NIM1K: variants seen among roughly 807,000 people sequenced by gnomAD.
NIM1K encodes NIM1 serine/threonine protein kinase, also known as serine/threonine-protein kinase NIM1.
Under a neutral mutation model 37.1 loss-of-function variants are expected in NIM1K, and 35 were observed. That is an observed-to-expected ratio of 0.94 (90% CI 0.72 to 1.25). NIM1K has a LOEUF of 1.25. NIM1K is among the 50% of genes most tolerant of loss of function. The pLI is 0.00. For synonymous variants in NIM1K, 234 were observed against 206.6 expected (o/e 1.13, Z -1.14); for missense variants, 564 against 548.0 (o/e 1.03, Z -0.29).
At position 43,211,665 on chromosome 5, in the gene NIM1K, G is replaced by A. The variant is rs1429400608; in HGVS notation, c.-695+19254G>A. ...GAGGGGGGTAAGTGGGAACAGGGGA[G>A]ATGAGAAATGAAGCTAGAAATAAAG... is the stretch of plus-strand genomic sequence containing the variant. On this transcript the variant is annotated intron_variant, in intron 1 of 3. Transcript: ENST00000326035. 7.9e-5 allele frequency among the ~76,000 whole-genome samples: 12 copies of A among 152,320 alleles called. No individual in the cohort carries two copies. In the South Asian group the frequency reaches 2.5e-3, roughly 32 times the overall value.
At chr5:43,219,029 G>A (rs1752346731) in intron 1 of NIM1K, among the ~76,000 whole-genome samples, 1 of 152,112 alleles carries the variant, frequency 6.6e-6, no homozygotes, top group South Asian at 2.1e-4. Flanking sequence ...CATGCGATCT[G>A]ACGCTTTTAT....
At chr5:43,228,037 C>T (rs1752485249) in intron 1 of NIM1K, among the ~76,000 whole-genome samples, 1 of 152,164 alleles carries the variant, frequency 6.6e-6, no homozygotes, top group Admixed American at 6.5e-5. Flanking sequence ...ATTCCATGAC[C>T]TCACTTGGTT....
intron 2 of NIM1K, among the ~76,000 whole-genome samples, chr5:43,274,384 C>T (rs1207323193): frequency 2.2e-5 from 3 of 134,490 alleles, no homozygotes; most frequent in East Asian, 3.2e-4. Flanking sequence ...CCTTAACTGA[C>T]ACCTGAGTCA....
intron 1 of NIM1K, among the ~76,000 whole-genome samples, chr5:43,213,190 T>TTTCTTTCC (rs1752232555): frequency 1.6e-5 from 1 of 61,380 alleles, no homozygotes; most frequent in Non-Finnish European, 4.2e-5. Context: ...TCTTTCTTTC[T>TTTCTTTCC]TTCTTTCTTT....
rs1451706475 is a variant in NIM1K at position 43,213,229 on chromosome 5, CT to C, written c.-695+20822del. On this transcript the variant is annotated intron_variant, in intron 1 of 3. Coordinates refer to ENST00000326035, the MANE Select transcript of NIM1K (RefSeq NM_153361.4). ...TCTTTCTTTCTTTCTTTCTTTCCTT[CT>C]TTTCTTCCTTTCTTTCTTTCTTGTT... 3.0e-3 allele frequency among the ~76,000 whole-genome samples: 263 copies of C among 88,156 alleles called. 25 individuals are homozygous for C. The highest frequency in any genetic ancestry group is 9.8e-3 in the African/African-American group (221 of 22,510). The allele number at this position is 88,156 out of a possible 152,430, so 57.8% of individuals were successfully genotyped here.
chr5:43,269,804 G>T (rs536860640), intron 2 of NIM1K, among the ~76,000 whole-genome samples: 1 of 152,124 alleles, frequency 6.6e-6, no homozygotes, highest in South Asian at 2.1e-4. Context: ...ATTTTTAGTA[G>T]AGACGGGGTT....
At chr5:43,237,231 G>C (rs1025591715) in intron 1 of NIM1K, among the ~76,000 whole-genome samples, 1 of 152,174 alleles carries the variant, frequency 6.6e-6, no homozygotes, top group African/African-American at 2.4e-5. Context: ...AGAGAACAAA[G>C]GTGAGATGGT....
At chr5:43,259,668 G>A (rs1053481726) in intron 2 of NIM1K, among the ~76,000 whole-genome samples, 1 of 152,062 alleles carries the variant, frequency 6.6e-6, no homozygotes, top group Non-Finnish European at 1.5e-5. Context: ...TGAGTTCCCT[G>A]TAAATTCTGG....
chr5:43,244,368 G>A (rs1752747217), intron 1 of NIM1K, among the ~76,000 whole-genome samples: 1 of 152,252 alleles, frequency 6.6e-6, no homozygotes, highest in Non-Finnish European at 1.5e-5. Flanking sequence ...CCTTCACTGA[G>A]ATGGGACATT....
At chr5:43,275,596 C>A (rs955577243) in intron 2 of NIM1K, among the ~76,000 whole-genome samples, 1 of 152,124 alleles carries the variant, frequency 6.6e-6, no homozygotes, top group African/African-American at 2.4e-5. Context: ...ACTGGTGTGT[C>A]GTGTACATGA....
intron 2 of NIM1K, among the ~76,000 whole-genome samples, chr5:43,263,114 G>T (rs142752922): frequency 0.032 from 4,881 of 152,198 alleles, 292 homozygotes; most frequent in African/African-American, 0.11. Context: ...TTAGGATGTT[G>T]CTGGCCTCAT....
intron 1 of NIM1K, chr5:43,192,706 CAT>C (rs1205885367): frequency 6.6e-6 from 1 of 152,374 alleles, no homozygotes; most frequent in African/African-American, 2.4e-5. Flanking sequence ...GTGCCCGTGT[CAT>C]GTGCGGCGCC....
chr5:43,240,979 C>T (rs1752691833), intron 1 of NIM1K, among the ~76,000 whole-genome samples: 2 of 151,910 alleles, frequency 1.3e-5, no homozygotes, highest in East Asian at 3.9e-4. Context: ...AAGAGAAATT[C>T]TAGAAGTAGA....
In NIM1K at chr5:43,263,908, A is replaced by C. The variant is rs1753077511; in HGVS notation, c.293-13149A>C. ...GTAGTCATTCAGGAGCAGGTTGTTC[A>C]GTTTCCATGTAGTTGAGTGGTTTTG... On this transcript the variant is annotated intron_variant, in intron 2 of 3. Transcript: ENST00000326035. Among the ~76,000 whole-genome samples the C allele has an allele frequency of 2.0e-5, 3 of 152,184 alleles. No homozygotes were observed. The South Asian group carries it at 6.2e-4, about 32-fold the overall frequency.
intron 2 of NIM1K, among the ~76,000 whole-genome samples, chr5:43,261,469 T>A (rs1753029497): frequency 6.6e-6 from 1 of 152,228 alleles, no homozygotes; most frequent in Non-Finnish European, 1.5e-5. Context: ...GTTTTTTTTC[T>A]TGTAAATTTG....
chr5:43,215,209 G>C (rs1335648787), intron 1 of NIM1K, among the ~76,000 whole-genome samples: 1 of 152,220 alleles, frequency 6.6e-6, no homozygotes, highest in East Asian at 1.9e-4. Flanking sequence ...ATTCTCAGAA[G>C]TGGCTCCCAA....
chr5:43,253,987 AT>A (rs1752905664), intron 2 of NIM1K, among the ~76,000 whole-genome samples: 1 of 152,192 alleles, frequency 6.6e-6, no homozygotes, highest in Non-Finnish European at 1.5e-5. Flanking sequence ...CAAGCCATTA[AT>A]GCAAGTGATT....
At chr5:43,264,268 A>G (rs370761779) in intron 2 of NIM1K, among the ~76,000 whole-genome samples, 52 of 152,286 alleles carry the variant, frequency 3.4e-4, no homozygotes, top group African/African-American at 1.1e-3. Flanking sequence ...GTCTCTTTGT[A>G]GGTCTCTATG....
Position 43,246,079 on chromosome 5 carries a change from C to T in NIM1K, c.292+12C>T. The stretch of plus-strand genomic sequence containing the variant: ...CTCCCTAACCAAAGGTAGGATCCGA[C>T]TTCCCAAGGGTCATCCCTGGCAGTA... On this transcript the variant is annotated intron_variant, in intron 2 of 3. Coordinates refer to ENST00000326035, the MANE Select transcript of NIM1K (RefSeq NM_153361.4). 6.3e-7 allele frequency: 1 copy of T among 1,598,670 alleles called. No individual in the cohort carries two copies. Among genetic ancestry groups the T allele is most frequent in the Non-Finnish European group, 8.5e-7 (1 of 1,171,636 alleles).
Sources: allele counts gnomAD v4.1 joint callset (sites outside exome capture counted in the v4.1 genomes callset), GRCh38; gene constraint gnomAD v4.1.1; transcripts MANE v1.5; gene names NCBI Gene and HGNC (gene_info 2026-07-23, HGNC 2026-07-21).